PRLR: variants seen among roughly 807,000 people sequenced by gnomAD.
PRLR encodes hPRL receptor.
Under a neutral mutation model 40.2 loss-of-function variants are expected in PRLR, and 13 were observed. The ratio of observed to expected loss-of-function variants is 0.32; its 90% confidence interval spans 0.21 to 0.51. PRLR has a LOEUF of 0.51. Among genes scored for constraint, PRLR ranks in the 20% least tolerant of loss-of-function variants. PRLR has a pLI of 0.97. For missense variants in PRLR, 656 were observed against 747.3 expected, an observed-to-expected ratio of 0.88 and a Z score of 1.42; for synonymous variants, 269 against 278.7, an observed-to-expected ratio of 0.97 and a Z score of 0.35.
intron 1 of PRLR, among the ~76,000 whole-genome samples, chr5:35,168,103 A>G (rs899965881): frequency 2.6e-5 from 4 of 152,070 alleles, no homozygotes; most frequent in Non-Finnish European, 4.4e-5. Flanking sequence ...AATGCAAGAA[A>G]TACTATTAAA....
chr5:35,125,415 A>C (rs1365219441), intron 1 of PRLR, among the ~76,000 whole-genome samples: 1 of 152,236 alleles, frequency 6.6e-6, no homozygotes, highest in South Asian at 2.1e-4. Flanking sequence ...CTAGGGCTAC[A>C]CTAATAATTT....
At chr5:35,075,618 AT>A (rs1770033738) in intron 5 of PRLR, among the ~76,000 whole-genome samples, 1 of 152,210 alleles carries the variant, frequency 6.6e-6, no homozygotes, top group Non-Finnish European at 1.5e-5. Flanking sequence ...GGGCCAGAGA[AT>A]AGCTGAACAA....
chr5:35,084,295 C>T (rs1466871083), intron 5 of PRLR, among the ~76,000 whole-genome samples, 175 bp downstream of exon 5: 1 of 152,178 alleles, frequency 6.6e-6, no homozygotes, highest in Non-Finnish European at 1.5e-5. Flanking sequence ...GCCTTAGTGT[C>T]ATGAATGACT....
At chr5:35,148,455 A>C (rs1163818390) in intron 1 of PRLR, among the ~76,000 whole-genome samples, 1 of 152,192 alleles carries the variant, frequency 6.6e-6, no homozygotes. Context: ...GAAAGCTACT[A>C]TGTGAGCTGA....
At chr5:35,162,041 G>A (rs954565058) in intron 1 of PRLR, among the ~76,000 whole-genome samples, 3 of 152,176 alleles carry the variant, frequency 2.0e-5, no homozygotes, top group Non-Finnish European at 2.9e-5. Context: ...ATCTGTGGAC[G>A]TGATTCACAG....
In PRLR at chr5:35,109,532, C is replaced by G. The variant is rs762987932; in HGVS notation, c.-44+8529G>C. Among the ~76,000 whole-genome samples the G allele has an allele frequency of 1.4e-4, 21 of 152,138 alleles. 1 individual carries two copies. On this transcript the variant is annotated intron_variant, in intron 2 of 9. Coordinates refer to ENST00000618457, the MANE Select transcript of PRLR (RefSeq NM_000949.7). The stretch of plus-strand genomic sequence containing the variant: ...ACAAATTTACAAGAAAAAAATCAAA[C>G]AACCCCATCAAAAAGTTGGTGAAGG...
intron 1 of PRLR, among the ~76,000 whole-genome samples, chr5:35,227,588 C>G (rs1776583768): frequency 1.3e-5 from 2 of 152,202 alleles, no homozygotes; most frequent in Admixed American, 1.3e-4. Flanking sequence ...TGCAGGAATA[C>G]CTCACCAAAG....
rs914748902 is a variant in PRLR at position 35,106,658 on chromosome 5, A to T, written c.-44+11403T>A. Among the ~76,000 whole-genome samples, 36 of 152,230 alleles carry T rather than the reference A, an allele frequency of 2.4e-4. 1 individual carries two copies. Among genetic ancestry groups the T allele is most frequent in the Admixed American group, 6.5e-5 (1 of 15,286 alleles). ...CCATTACATAATGGTAAAGGGATCAATTCAACAAGAAGAGCTACTATCCTA... is the reference window on the plus strand; with the variant it reads ...CCATTACATAATGGTAAAGGGATCATTTCAACAAGAAGAGCTACTATCCTA... On this transcript the variant is annotated intron_variant, in intron 2 of 9. Transcript: ENST00000618457.
At chr5:35,129,368 T>A (rs1211461643) in intron 1 of PRLR, among the ~76,000 whole-genome samples, 2 of 152,192 alleles carry the variant, frequency 1.3e-5, no homozygotes, top group Non-Finnish European at 2.9e-5. Flanking sequence ...TTTCTAAATA[T>A]TGAGGGAGTC....
chr5:35,161,676 G>T (rs1474969903), intron 1 of PRLR, among the ~76,000 whole-genome samples: 1 of 152,214 alleles, frequency 6.6e-6, no homozygotes, highest in African/African-American at 2.4e-5. Flanking sequence ...AATCGGTGAG[G>T]TTCCTTGCTT....
intron 1 of PRLR, among the ~76,000 whole-genome samples, chr5:35,176,735 C>T (rs1357473817): frequency 6.6e-6 from 1 of 152,152 alleles, no homozygotes; most frequent in Non-Finnish European, 1.5e-5. Flanking sequence ...AGGTTTCTCC[C>T]CATGTGATAG....
At chr5:35,172,703 C>A (rs909500591) in intron 1 of PRLR, among the ~76,000 whole-genome samples, 1 of 152,194 alleles carries the variant, frequency 6.6e-6, no homozygotes, top group Admixed American at 6.5e-5. Flanking sequence ...TCCCTCCTCC[C>A]GACTGATGCG....
chr5:35,218,662 C>T (rs72734599), intron 1 of PRLR, among the ~76,000 whole-genome samples: 15,909 of 152,210 alleles, frequency 0.1, 1,065 homozygotes, highest in Admixed American at 0.17. Context: ...GCAGAGAAGA[C>T]AGAATGAAAT....
Position 35,066,002 on chromosome 5 carries a change from T to C in PRLR, c.956A>G (p.Asp319Gly). 6.2e-7 allele frequency: 1 copy of C among 1,614,162 alleles called. No homozygotes were observed. The highest frequency in any genetic ancestry group is 8.5e-7 in the Non-Finnish European group (1 of 1,180,006). Residue 319 changes from aspartate to glycine, a missense_variant, in exon 10 of 10, where the codon GAT becomes GGT. Around this residue, in one of 3 missense-constraint regions of PRLR, gnomAD observed 469 missense variants for 491.5 expected, o/e 0.95. Transcript: ENST00000618457. ...DLLVEYLEVD[D>G]SEDQHLMSVH... ...TGACATTAGATGCTGGTCCTCACTA[T>C]CATCTACTTCTAAATACTCCACCAG...
chr5:35,172,805 CTTCTGGGGTTATAGAGGGGACTTGATTTG>C (rs886078370), intron 1 of PRLR, among the ~76,000 whole-genome samples: 2 of 152,160 alleles, frequency 1.3e-5, no homozygotes. Flanking sequence ...TGTACTTTGT[CTTCTGGGGTTATAGAGGGGACTTGATTTG>C]TTCTGAGGAA....
In PRLR at chr5:35,063,457, G is replaced by T. The variant is rs867461159; in HGVS notation, c.*1632C>A. 6.6e-6 allele frequency: 1 copy of T among 152,090 alleles called. No homozygotes were observed. The highest frequency in any genetic ancestry group is 2.4e-5 in the African/African-American group (1 of 41,404). 9.4% of individuals were successfully genotyped at this position (152,090 alleles called of 1,614,324 possible). A position where few individuals can be genotyped will look rare whatever the true frequency, so the allele number is the denominator to read the frequency against. ...GGGCTGCTAGATGAGTCATGGATGCGCCCTTTAAAATGAGGATCCAAGCTT... is the reference window on the plus strand; with the variant it reads ...GGGCTGCTAGATGAGTCATGGATGCTCCCTTTAAAATGAGGATCCAAGCTT... On this transcript the variant is annotated 3_prime_UTR_variant, in exon 10 of 10. Transcript: ENST00000618457.
intron 2 of PRLR, among the ~76,000 whole-genome samples, chr5:35,115,611 G>C (rs1264154291): frequency 6.6e-6 from 1 of 152,022 alleles, no homozygotes; most frequent in Non-Finnish European, 1.5e-5. Flanking sequence ...GAAGTGTGCG[G>C]ATGGGGGCCT....
chr5:35,147,406 A>G (rs1774212083), intron 1 of PRLR, among the ~76,000 whole-genome samples: 1 of 152,186 alleles, frequency 6.6e-6, no homozygotes, highest in South Asian at 2.1e-4. Context: ...ACAATTTTAA[A>G]CAGCAAATTT....
intron 2 of PRLR, among the ~76,000 whole-genome samples, chr5:35,116,433 A>C (rs1222002902): frequency 6.6e-6 from 1 of 152,222 alleles, no homozygotes; most frequent in Non-Finnish European, 1.5e-5. Context: ...TTGAGCAATA[A>C]TGTTGTCTAT....
Sources: allele counts gnomAD v4.1 joint callset (sites outside exome capture counted in the v4.1 genomes callset), GRCh38; gene constraint gnomAD v4.1.1; regional missense constraint gnomAD v4.1.1; transcripts MANE v1.5; gene names NCBI Gene and HGNC (gene_info 2026-07-23, HGNC 2026-07-21).